Variants in TLDC2 observed in about 807,000 individuals in gnomAD.
TLDC2 encodes the protein TLD domain-containing protein 2.
Under a neutral mutation model 27.9 loss-of-function variants are expected in TLDC2, and 23 were observed. That is an observed-to-expected ratio of 0.82 (90% CI 0.59 to 1.17). The LOEUF is 1.17. TLDC2 is among the 50% of genes most tolerant of loss of function. The pLI is 0.00. For missense variants in TLDC2, 286 were observed against 273.4 expected (o/e 1.05, Z -0.32); for synonymous variants, 124 against 107.4 (o/e 1.16, Z -0.96).
intron 6 of TLDC2, chr20:36,890,421 T>TC (rs58266882): frequency 7.3e-5 from 11 of 151,086 alleles, no homozygotes; most frequent in Admixed American, 1.3e-4. Context: ...TTTCTTTCTT[T>TC]TCTTTCTCTC....
chr20:36,877,972 A>T lies in TLDC2; in HGVS notation c.107A>T (p.Asp36Val), dbSNP rs1330547086. 1 of 1,614,072 alleles carries T rather than the reference A, an allele frequency of 6.2e-7. No homozygotes were observed. The highest frequency in any genetic ancestry group is 8.5e-7 in the Non-Finnish European group (1 of 1,179,988). ...EEEEEEEAAP[D>V]PAAAPEDPTV... ...GAAGAGGAGGAGGAGGCAGCTCCAG[A>T]CCCAGCTGCTGCTCCTGAGGATCCC... The change falls in exon 2 of 7, where the codon GAC becomes GTC. Residue 36 changes from aspartate (D) to valine (V), a missense_variant. Coordinates refer to ENST00000217320, the MANE Select transcript of TLDC2 (RefSeq NM_080628.3).
intron 3 of TLDC2, 98 bp downstream of exon 3, chr20:36,879,291 G>T: frequency 2.1e-6 from 3 of 1,439,724 alleles, no homozygotes; most frequent in Non-Finnish European, 2.8e-6. Flanking sequence ...CAGGCAGAGT[G>T]ACAGACTAAG....
At chr20:36,881,806 C>CT (rs1408881277) in intron 4 of TLDC2, among the ~76,000 whole-genome samples, 1 of 152,160 alleles carries the variant, frequency 6.6e-6, no homozygotes, top group East Asian at 1.9e-4. Flanking sequence ...ACATCAAAGG[C>CT]TTGGAGCAGT....
chr20:36,876,684 AAC>A (rs995277559), intron 1 of TLDC2, among the ~76,000 whole-genome samples: 20 of 151,612 alleles, frequency 1.3e-4, no homozygotes, highest in African/African-American at 4.8e-4. Flanking sequence ...CACACACTCA[AAC>A]ACACTCAAAT....
Position 36,887,343 on chromosome 20 carries a change from G to C in TLDC2, c.439-112G>C, listed in dbSNP as rs574655171. 6.0e-5 allele frequency: 56 copies of C among 938,462 alleles called. No individual in the cohort carries two copies. The African/African-American group carries it at 8.0e-4, about 13-fold the overall frequency. 58.1% of individuals were successfully genotyped at this position (938,462 alleles called of 1,614,324 possible). On this transcript the variant is annotated intron_variant, in intron 4 of 6. Transcript: ENST00000217320. ...CGGAGTCCCACCTGCGGCTCGGTTG[G>C]GGCCTGGATGCTGTTCCCGCCACAA... is the stretch of plus-strand genomic sequence containing the variant.
At chr20:36,878,977 C>A (rs941553159) in intron 2 of TLDC2, 64 bp from the exon 3 acceptor site, 3 of 1,612,554 alleles carry the variant, frequency 1.9e-6, no homozygotes, top group Admixed American at 3.3e-5. Flanking sequence ...TCCAAGCCCA[C>A]CCCCAGGATA....
Position 36,887,444 on chromosome 20 carries a change from G to GT in TLDC2, c.439-10dup. The GT allele has an allele frequency of 3.1e-6, 5 of 1,612,964 alleles. No homozygotes were observed. Among genetic ancestry groups the GT allele is most frequent in the Non-Finnish European group, 4.2e-6 (5 of 1,178,922 alleles). On this transcript the variant is annotated splice_polypyrimidine_tract_variant and intron_variant, in intron 4 of 6. Transcript: ENST00000217320. The stretch of plus-strand genomic sequence containing the variant: ...CTTAGTAACCTGAGCCTTTCCCTAT[G>GT]TATCACCCAGGTCTTTAAGTGGACT...
intron 5 of TLDC2, 113 bp downstream of exon 5, chr20:36,887,641 C>G: frequency 3.0e-6 from 3 of 998,950 alleles, no homozygotes; most frequent in Non-Finnish European, 4.7e-6. Context: ...TAGTGGGGAA[C>G]TCTCAGGCCG....
At chr20:36,890,497 T>A (rs1484078087) in intron 6 of TLDC2, 1 of 151,186 alleles carries the variant, frequency 6.6e-6, no homozygotes, top group Admixed American at 6.7e-5. Flanking sequence ...AGAGTTTCGC[T>A]CTTGACCCCG....
At position 36,879,110 on chromosome 20, in the gene TLDC2, G is replaced by A. The variant is rs549041855; in HGVS notation, c.259G>A (p.Gly87Ser). 12 of 1,614,016 alleles carry A rather than the reference G, an allele frequency of 7.4e-6. No individual in the cohort carries two copies. Among genetic ancestry groups the A allele is most frequent in the African/African-American group, 1.3e-5 (1 of 74,906 alleles). The change falls in exon 3 of 7, where the codon GGT becomes AGT. Residue 87 changes from glycine to serine, a missense_variant. Transcript: ENST00000217320. Reference sequence around the variant, plus strand: ...TCTGGTCTTCTGCACGTCAAGGGACGGTTTCAGCCTGCAGAGCCTGTACCG... The same window carrying A: ...TCTGGTCTTCTGCACGTCAAGGGACAGTTTCAGCCTGCAGAGCCTGTACCG... ...WSLVFCTSRDGFSLQSLYRRM... is the reference protein window; with the variant it reads ...WSLVFCTSRDSFSLQSLYRRM...
chr20:36,883,014 T>C (rs1323671145), intron 4 of TLDC2, among the ~76,000 whole-genome samples: 1 of 152,190 alleles, frequency 6.6e-6, no homozygotes, highest in Non-Finnish European at 1.5e-5. Flanking sequence ...ATTTCTTCTG[T>C]GTTCTCGTCC....
Position 36,893,989 on chromosome 20 carries a change from G to T in TLDC2, c.*1145G>T. ...TTTCTCTCCCTACCTCCTCTGGCAC[G>T]AGCGGCAGTGGCAGTGACTATTCTG... On this transcript the variant is annotated 3_prime_UTR_variant, in exon 7 of 7. Transcript: ENST00000217320. 2 of 398,498 alleles carry T rather than the reference G, an allele frequency of 5.0e-6. No individual in the cohort carries two copies. The highest frequency in any genetic ancestry group is 1.3e-4 in the South Asian group (1 of 7,832). The allele number at this position is 398,498 out of a possible 1,614,324, so 24.7% of individuals were successfully genotyped here. A position where few individuals can be genotyped will look rare whatever the true frequency, so the allele number is the denominator to read the frequency against.
chr20:36,893,579 C>T lies in TLDC2; in HGVS notation c.*735C>T. On this transcript the variant is annotated 3_prime_UTR_variant, in exon 7 of 7. Transcript: ENST00000217320. ...GGCTCCAGCCAAAGAAGCTCCTCCA[C>T]CCAAAATAAGGGAGAGATCCAAAGG... 1 of 297,068 alleles carries T rather than the reference C, an allele frequency of 3.4e-6. No individual in the cohort carries two copies. The highest frequency in any genetic ancestry group is 6.2e-6 in the Non-Finnish European group (1 of 162,562). 18.4% of individuals were successfully genotyped at this position (297,068 alleles called of 1,614,324 possible).
At chr20:36,888,704 C>CAAAAA (rs35828858) in intron 5 of TLDC2, among the ~76,000 whole-genome samples, 2 of 62,762 alleles carry the variant, frequency 3.2e-5, no homozygotes, top group African/African-American at 6.9e-5. Context: ...AGACTCCTAT[C>CAAAAA]AAAAAAAAAA....
In TLDC2 at chr20:36,880,254, C is replaced by T. The variant is rs191154276; in HGVS notation, c.343-401C>T. 9.1e-3 allele frequency among the ~76,000 whole-genome samples: 1,375 copies of T among 151,364 alleles called. 12 individuals are homozygous for T. Among genetic ancestry groups the T allele is most frequent in the Non-Finnish European group, 0.014 (945 of 67,830 alleles). On this transcript the variant is annotated intron_variant, in intron 3 of 6. Transcript: ENST00000217320. ...AATTACAAGCACTTGCCACCACGCCCGGCTAATTTTTGTATGTTTAGTAGA... is the reference window on the plus strand; with the variant it reads ...AATTACAAGCACTTGCCACCACGCCTGGCTAATTTTTGTATGTTTAGTAGA...
At position 36,879,123 on chromosome 20, in the gene TLDC2, A is replaced by G. The variant is rs754966314; in HGVS notation, c.272A>G (p.Gln91Arg). The G allele has an allele frequency of 5.6e-6, 9 of 1,614,020 alleles. No individual in the cohort carries two copies. The highest frequency in any genetic ancestry group is 2.7e-5 in the African/African-American group (2 of 74,918). The change falls in exon 3 of 7, where the codon CAG (glutamine) becomes CGG (arginine). Residue 91 changes from glutamine to arginine, a missense_variant. By Grantham distance (43) the Gln-to-Arg change is conservative. Coordinates refer to ENST00000217320, the MANE Select transcript of TLDC2 (RefSeq NM_080628.3). The part of the protein sequence containing the change: ...FCTSRDGFSL[Q>R]SLYRRMEGCS... ...ACGTCAAGGGACGGTTTCAGCCTGC[A>G]GAGCCTGTACCGGCGGATGGAGGGC...
At chr20:36,888,134 G>T (rs564656911) in intron 5 of TLDC2, among the ~76,000 whole-genome samples, 2 of 152,184 alleles carry the variant, frequency 1.3e-5, no homozygotes, top group African/African-American at 4.8e-5. Flanking sequence ...GGTTTCAGCC[G>T]AGGTTTTCTG....
At chr20:36,889,021 CAATA>C (rs1027047276) in intron 5 of TLDC2, among the ~76,000 whole-genome samples, 53 of 151,956 alleles carry the variant, frequency 3.5e-4, no homozygotes, top group African/African-American at 7.5e-4. Context: ...GACTCCGTTT[CAATA>C]AATAAATAAA....
rs565990152 is a variant in TLDC2 at position 36,889,164 on chromosome 20, C to T, written c.513-87C>T. Reference sequence around the variant, plus strand: ...AGGTGAAACTGGGCTGCCGTCCTGGCATGGCCAAGAGCTGATGCTGGTGGC... The same window carrying T: ...AGGTGAAACTGGGCTGCCGTCCTGGTATGGCCAAGAGCTGATGCTGGTGGC... On this transcript the variant is annotated intron_variant, in intron 5 of 6. Coordinates refer to ENST00000217320, the MANE Select transcript of TLDC2 (RefSeq NM_080628.3). The T allele has an allele frequency of 1.8e-3, 2,719 of 1,553,334 alleles. 5 individuals are homozygous for T. The highest frequency in any genetic ancestry group is 1.8e-3 in the Non-Finnish European group (2,107 of 1,144,744).
Sources: allele counts gnomAD v4.1 joint callset (sites outside exome capture counted in the v4.1 genomes callset), GRCh38; gene constraint gnomAD v4.1.1; transcripts MANE v1.5; gene names NCBI Gene and HGNC (gene_info 2026-07-23, HGNC 2026-07-21).